The following HERC6 variants were observed in gnomAD, a reference collection of about 807,000 sequenced individuals.
HERC6 encodes the protein probable E3 ubiquitin-protein ligase HERC6.
Under a neutral mutation model 114.5 loss-of-function variants are expected in HERC6, and 101 were observed. That is an observed-to-expected ratio of 0.88 (90% CI 0.75 to 1.04). The LOEUF is 1.04. Among genes scored for constraint, HERC6 ranks in the 50% least tolerant of loss-of-function variants. HERC6 has a pLI of 0.00. For synonymous variants in HERC6, 408 were observed against 436.2 expected (o/e 0.94, Z 0.81); for missense variants, 1,133 against 1,230.9 (o/e 0.92, Z 1.19).
chr4:88,431,566 C>T (rs940466546), intron 17 of HERC6, among the ~76,000 whole-genome samples: 2 of 152,068 alleles, frequency 1.3e-5, no homozygotes, highest in Non-Finnish European at 2.9e-5. Flanking sequence ...TTCACATGCA[C>T]GTTACATTTT....
chr4:88,435,672 T>C, intron 17 of HERC6, 53 bp from the exon 18 acceptor site: 1 of 1,202,934 alleles, frequency 8.3e-7, no homozygotes, highest in Non-Finnish European at 1.1e-6. Flanking sequence ...TAATTATCCC[T>C]TTGTATTACT....
chr4:88,430,178 A>G (rs1195585699), intron 16 of HERC6, among the ~76,000 whole-genome samples: 1 of 152,216 alleles, frequency 6.6e-6, no homozygotes, highest in Non-Finnish European at 1.5e-5. Flanking sequence ...GGTGCTTATC[A>G]TTAAAAGATA....
At chr4:88,397,039 G>A (rs1735272428) in intron 7 of HERC6, 52 bp downstream of exon 7, 1 of 1,531,262 alleles carries the variant, frequency 6.5e-7, no homozygotes. Context: ...CACTGGAAGA[G>A]AACTAGTATT....
At chr4:88,419,419 A>G (rs1344309655) in intron 13 of HERC6, among the ~76,000 whole-genome samples, 1 of 152,246 alleles carries the variant, frequency 6.6e-6, no homozygotes, top group African/African-American at 2.4e-5. Flanking sequence ...CTAAAGATTG[A>G]CACAACCATG....
intron 3 of HERC6, among the ~76,000 whole-genome samples, chr4:88,390,198 A>G (rs74981583): frequency 0.05 from 7,214 of 143,882 alleles, 180 homozygotes; most frequent in Admixed American, 0.074. Context: ...AAAAAAAAAA[A>G]AAAGAAAGTC....
chr4:88,440,398 G>GAC, intron 22 of HERC6, 148 bp downstream of exon 22: 5 of 608,636 alleles, frequency 8.2e-6, no homozygotes, highest in Non-Finnish European at 1.5e-5. Context: ...CAAGGACATG[G>GAC]ACACACACAA....
Position 88,431,270 on chromosome 4 carries a change from C to T in HERC6, c.2215C>T (p.Pro739Ser), listed in dbSNP as rs746192857. The change falls in exon 17 of 23, where the codon CCT becomes TCT. Residue 739 changes from proline to serine, a missense_variant. By Grantham distance (74) the Pro-to-Ser change is moderately conservative (BLOSUM62 -1). This residue lies in a region of HERC6 where 388 missense variants were observed against 445.9 expected (regional missense o/e 0.87). Transcript: ENST00000264346. ...GCCAGAATATGGAATGTTCATGTATCCTGAAATGGGTTCCTGCATGTGGTT... is the reference window on the plus strand; with the variant it reads ...GCCAGAATATGGAATGTTCATGTATTCTGAAATGGGTTCCTGCATGTGGTT... ...TKPEYGMFMY[P>S]EMGSCMWFPA... The T allele has an allele frequency of 1.9e-6, 3 of 1,610,430 alleles. No homozygotes were observed. The highest frequency in any genetic ancestry group is 2.5e-6 in the Non-Finnish European group (3 of 1,178,786).
At chr4:88,394,550 A>T (rs541888626) in intron 5 of HERC6, among the ~76,000 whole-genome samples, 75 of 147,336 alleles carry the variant, frequency 5.1e-4, no homozygotes, top group African/African-American at 1.9e-3. Context: ...TATTATTATT[A>T]TTATTATTTT....
At chr4:88,414,843 C>T (rs949969315) in intron 12 of HERC6, among the ~76,000 whole-genome samples, 5 of 152,112 alleles carry the variant, frequency 3.3e-5, no homozygotes, top group South Asian at 2.1e-4. Context: ...TGCTGACCTC[C>T]GATCTCATTC....
Position 88,439,860 on chromosome 4 carries a change from T to C in HERC6, c.2556-14T>C. ...TTCCTTTCTTTTTTTTTTTTTTTTT[T>C]TGCTTCCCTCAAGGAGAGACTATGT... On this transcript the variant is annotated splice_polypyrimidine_tract_variant and intron_variant, in intron 20 of 22. Coordinates refer to ENST00000264346, the MANE Select transcript of HERC6 (RefSeq NM_017912.4). 1.6e-6 allele frequency: 2 copies of C among 1,286,876 alleles called. No individual in the cohort carries two copies. The highest frequency in any genetic ancestry group is 2.0e-6 in the Non-Finnish European group (2 of 1,002,406). 79.7% of individuals were successfully genotyped at this position (1,286,876 alleles called of 1,614,324 possible). A position where few individuals can be genotyped will look rare whatever the true frequency, so the allele number is the denominator to read the frequency against.
At chr4:88,390,615 T>C in intron 3 of HERC6, 37 bp from the exon 4 acceptor site, 2 of 1,518,800 alleles carry the variant, frequency 1.3e-6, no homozygotes, top group East Asian at 2.3e-5. Context: ...GGTATTCTAA[T>C]ATGTGTACAA....
intron 3 of HERC6, among the ~76,000 whole-genome samples, chr4:88,388,916 C>G (rs1216601533): frequency 6.6e-6 from 1 of 152,170 alleles, no homozygotes; most frequent in Non-Finnish European, 1.5e-5. Flanking sequence ...ACTTCCAGCC[C>G]TACTGAATAG....
chr4:88,434,144 G>T (rs750307393), intron 17 of HERC6, among the ~76,000 whole-genome samples: 1 of 152,190 alleles, frequency 6.6e-6, no homozygotes, highest in East Asian at 1.9e-4. Flanking sequence ...ATAGATTGCT[G>T]ACTTAATATG....
In HERC6 at chr4:88,443,082, A is replaced by G. The variant is rs1739491579; in HGVS notation, c.*622A>G. 2 of 152,788 alleles carry G rather than the reference A, an allele frequency of 1.3e-5. No homozygotes were observed. The highest frequency in any genetic ancestry group is 2.9e-5 in the Non-Finnish European group (2 of 68,738). The allele number at this position is 152,788 out of a possible 1,614,324, so 9.5% of individuals were successfully genotyped here. A position where few individuals can be genotyped will look rare whatever the true frequency, so the allele number is the denominator to read the frequency against. On this transcript the variant is annotated 3_prime_UTR_variant, in exon 23 of 23. Coordinates refer to ENST00000264346, the MANE Select transcript of HERC6 (RefSeq NM_017912.4). ...CACTGCCTTGTGCTCCAATAAATCC[A>G]CTCCTTCACCACCCATTCATGCATG...
At chr4:88,410,229 T>C (rs530239156) in intron 11 of HERC6, among the ~76,000 whole-genome samples, 6 of 152,216 alleles carry the variant, frequency 3.9e-5, no homozygotes, top group Admixed American at 1.3e-4. Context: ...AATCCACATA[T>C]ATAAGATGAA....
intron 5 of HERC6, 23 bp downstream of exon 5, chr4:88,393,605 T>C: frequency 6.8e-7 from 1 of 1,472,162 alleles, no homozygotes; most frequent in Non-Finnish European, 9.5e-7. Flanking sequence ...GTGTTGCTAT[T>C]TTTTTGAGTT....
At chr4:88,408,006 G>T (rs1560546482) in intron 10 of HERC6, among the ~76,000 whole-genome samples, 1 of 152,214 alleles carries the variant, frequency 6.6e-6, no homozygotes, top group Non-Finnish European at 1.5e-5. Flanking sequence ...TGAGATAAGG[G>T]ATTCAAAGAA....
intron 5 of HERC6, 139 bp from the exon 6 acceptor site, chr4:88,395,876 A>C: frequency 1.5e-6 from 1 of 653,658 alleles, no homozygotes; most frequent in Non-Finnish European, 2.3e-6. Context: ...ATTAGAAAAA[A>C]TAAAGGATCT....
chr4:88,431,359 C>T, intron 17 of HERC6, 54 bp downstream of exon 17: 1 of 1,540,448 alleles, frequency 6.5e-7, no homozygotes, highest in Non-Finnish European at 8.7e-7. Context: ...ACCCCATATA[C>T]TGCAACATTA....
Sources: gnomAD v4.1 joint callset for allele counts (sites outside exome capture counted in the v4.1 genomes callset) on GRCh38, gnomAD v4.1.1 for gene constraint, gnomAD v4.1.1 regional missense constraint, MANE v1.5 for transcripts, NCBI Gene and HGNC (gene_info 2026-07-23, HGNC 2026-07-21) for gene names.